Variants in MAD1L1 observed in about 807,000 individuals in gnomAD.
MAD1L1 encodes mitotic arrest deficient 1 like 1, also known as mitotic spindle assembly checkpoint protein MAD1.
MAD1L1 carries 95 observed loss-of-function variants against 96.9 expected under a neutral mutation model. The observed-to-expected ratio is 0.98, with a 90% CI of 0.83 to 1.16. The LOEUF (loss-of-function observed/expected upper bound fraction) is 1.16, where lower values mean the gene tolerates loss of function less well. MAD1L1 is among the 50% of genes most tolerant of loss of function. The pLI, the probability that MAD1L1 is intolerant of heterozygous loss-of-function variation, is 0.00. For synonymous variants in MAD1L1, 473 were observed against 396.6 expected (o/e 1.19, Z -2.29); for missense variants, 1,007 against 954.4 (o/e 1.06, Z -0.73).
intron 17 of MAD1L1, among the ~76,000 whole-genome samples, chr7:1,899,117 T>C (rs1426492242): frequency 6.6e-6 from 1 of 152,196 alleles, no homozygotes; most frequent in African/African-American, 2.4e-5. Context: ...TAAGTGACTA[T>C]TCAGGGTACA....
At chr7:1,904,274 G>A (rs1204169844) in intron 17 of MAD1L1, among the ~76,000 whole-genome samples, 1 of 148,450 alleles carries the variant, frequency 6.7e-6, no homozygotes. Context: ...GTTCCAGGCA[G>A]TGAGGACGCA....
At chr7:2,139,667 G>C (rs1044795846) in intron 11 of MAD1L1, among the ~76,000 whole-genome samples, 1 of 151,934 alleles carries the variant, frequency 6.6e-6, no homozygotes, top group African/African-American at 2.4e-5. Flanking sequence ...GAGGACACCC[G>C]CCACTCTCCT....
At chr7:1,967,041 C>T (rs142816779) in intron 15 of MAD1L1, among the ~76,000 whole-genome samples, 157 of 152,284 alleles carry the variant, frequency 1.0e-3, no homozygotes, top group African/African-American at 3.3e-3. Context: ...AGATAATACC[C>T]GGGTCTCTTA....
chr7:1,859,856 G>A (rs573245454), intron 18 of MAD1L1, among the ~76,000 whole-genome samples: 256 of 151,366 alleles, frequency 1.7e-3, no homozygotes, highest in African/African-American at 5.5e-3. Context: ...CCGGCGGGGC[G>A]GCCTCTGTCT....
At chr7:1,985,305 G>A (rs1781089290) in intron 14 of MAD1L1, among the ~76,000 whole-genome samples, 1 of 152,248 alleles carries the variant, frequency 6.6e-6, no homozygotes, top group East Asian at 1.9e-4. Flanking sequence ...GGCAGCTCCC[G>A]TTTTCCGCCC....
intron 3 of MAD1L1, among the ~76,000 whole-genome samples, chr7:2,228,764 A>C (rs1385062827): frequency 6.6e-6 from 1 of 150,566 alleles, no homozygotes; most frequent in African/African-American, 2.4e-5. Flanking sequence ...TTTTTGAGAC[A>C]GGGTCTCACT....
intron 12 of MAD1L1, among the ~76,000 whole-genome samples, chr7:2,042,274 CACACGCGCACATGGACACAG>C (rs1783720551): frequency 6.7e-6 from 1 of 149,374 alleles, no homozygotes; most frequent in Non-Finnish European, 1.5e-5. Context: ...CACATGCACA[CACACGCGCACATGGACACAG>C]ACACACGCAG....
chr7:2,152,375 A>G (rs1445625262), intron 10 of MAD1L1, among the ~76,000 whole-genome samples: 1 of 152,258 alleles, frequency 6.6e-6, no homozygotes, highest in African/African-American at 2.4e-5. Context: ...TGGAGGGCAC[A>G]GGGGCACCAG....
At chr7:1,956,652 T>G (rs2128473652) in intron 16 of MAD1L1, among the ~76,000 whole-genome samples, 1 of 150,908 alleles carries the variant, frequency 6.6e-6, no homozygotes, top group South Asian at 2.1e-4. Context: ...CAGCCACTCC[T>G]CATGCCAACC....
At chr7:1,987,396 G>A (rs910215442) in intron 14 of MAD1L1, among the ~76,000 whole-genome samples, 8 of 152,204 alleles carry the variant, frequency 5.3e-5, no homozygotes, top group Admixed American at 2.6e-4. Flanking sequence ...CACGTCCAGC[G>A]TGTGTGCGGC....
intron 12 of MAD1L1, among the ~76,000 whole-genome samples, chr7:2,046,699 G>C (rs755997936): frequency 2.0e-5 from 3 of 152,132 alleles, no homozygotes; most frequent in Non-Finnish European, 4.4e-5. Flanking sequence ...AGGGGTGAGC[G>C]CTGCCCGCCT....
At chr7:1,901,198 C>T (rs1029273691) in intron 17 of MAD1L1, among the ~76,000 whole-genome samples, 1 of 152,218 alleles carries the variant, frequency 6.6e-6, no homozygotes, top group African/African-American at 2.4e-5. Flanking sequence ...TCTGACCCCC[C>T]TTTATCCCTG....
At chr7:1,825,750 C>G (rs1264974715) in intron 18 of MAD1L1, among the ~76,000 whole-genome samples, 13 of 152,216 alleles carry the variant, frequency 8.5e-5, no homozygotes, top group Non-Finnish European at 1.6e-4. Context: ...GGCCTTGGAC[C>G]ATGGCATCAG....
intron 18 of MAD1L1, among the ~76,000 whole-genome samples, chr7:1,893,074 G>A (rs1315209350): frequency 7.9e-5 from 12 of 152,172 alleles, no homozygotes; most frequent in Admixed American, 6.5e-4. Context: ...GGCAGAGTAT[G>A]GCCTTCCCAG....
chr7:2,095,510 T>C (rs1786440739), intron 11 of MAD1L1, among the ~76,000 whole-genome samples: 1 of 152,162 alleles, frequency 6.6e-6, no homozygotes, highest in Non-Finnish European at 1.5e-5. Context: ...CAAACGGAGA[T>C]GGGCAGTGCT....
At chr7:2,015,682 C>T (rs1011138797) in intron 12 of MAD1L1, among the ~76,000 whole-genome samples, 3 of 152,238 alleles carry the variant, frequency 2.0e-5, no homozygotes, top group Non-Finnish European at 4.4e-5. Context: ...ATTCCAGGCG[C>T]AGGCTGGCGA....
At chr7:2,068,922 C>T (rs1420434270) in intron 12 of MAD1L1, among the ~76,000 whole-genome samples, 2 of 152,186 alleles carry the variant, frequency 1.3e-5, no homozygotes, top group Non-Finnish European at 2.9e-5. Context: ...AGGGAACCCT[C>T]TCCAGAGCTC....
chr7:2,123,680 C>T (rs909598386), intron 11 of MAD1L1, among the ~76,000 whole-genome samples: 6 of 152,180 alleles, frequency 3.9e-5, no homozygotes, highest in African/African-American at 1.2e-4. Flanking sequence ...GGAAGCGAGT[C>T]GGAGGCAATT....
At chr7:1,854,857 G>C (rs912131330) in intron 18 of MAD1L1, among the ~76,000 whole-genome samples, 8 of 152,250 alleles carry the variant, frequency 5.3e-5, no homozygotes, top group Non-Finnish European at 1.2e-4. Context: ...AAGGGGGAAA[G>C]GCAAGAGGGA....
Sources: allele counts gnomAD v4.1 joint callset (sites outside exome capture counted in the v4.1 genomes callset), GRCh38; gene constraint gnomAD v4.1.1; transcripts MANE v1.5; gene names NCBI Gene and HGNC (gene_info 2026-07-23, HGNC 2026-07-21).